SNX27: variants seen among roughly 807,000 people sequenced by gnomAD.
SNX27 encodes sorting nexin-27.
A neutral mutation model predicts 71.6 loss-of-function variants in SNX27; 22 were observed. The observed-to-expected ratio is 0.31, with a 90% CI of 0.22 to 0.44. The LOEUF (loss-of-function observed/expected upper bound fraction) is 0.44, where lower values mean the gene tolerates loss of function less well. Among genes scored for constraint, SNX27 ranks in the 20% least tolerant of loss-of-function variants. The pLI is 1.00. For missense variants in SNX27, 531 were observed against 698.6 expected (o/e 0.76, Z 2.70); for synonymous variants, 269 against 277.2 (o/e 0.97, Z 0.29).
intron 1 of SNX27, among the ~76,000 whole-genome samples, chr1:151,630,059 C>T (rs530420830): frequency 2.0e-5 from 3 of 150,330 alleles, no homozygotes; most frequent in East Asian, 4.0e-4. Context: ...TGTAGTGAGC[C>T]GAGATCGCAC....
chr1:151,629,858 C>T (rs563190755), intron 1 of SNX27, among the ~76,000 whole-genome samples: 2 of 151,744 alleles, frequency 1.3e-5, no homozygotes, highest in African/African-American at 4.8e-5. Flanking sequence ...GGATTACAGG[C>T]GTGAGCCAAT....
chr1:151,654,967 A>G (rs2102670199), intron 2 of SNX27, among the ~76,000 whole-genome samples: 1 of 152,282 alleles, frequency 6.6e-6, no homozygotes, highest in East Asian at 1.9e-4. Flanking sequence ...GCCTGTTTCT[A>G]CTGACTAATT....
chr1:151,649,215 C>T (rs1206111064), intron 2 of SNX27, among the ~76,000 whole-genome samples: 4 of 152,096 alleles, frequency 2.6e-5, no homozygotes, highest in Non-Finnish European at 5.9e-5. Context: ...CCGCCTTTGC[C>T]TCCCAAAGTG....
Position 151,694,435 on chromosome 1 carries a change from C to T in SNX27, c.*18C>T. On this transcript the variant is annotated 3_prime_UTR_variant, in exon 12 of 12. Coordinates refer to ENST00000458013, the MANE Select transcript of SNX27 (RefSeq NM_001330723.2). ...CCACCTAGCCTTTCCTTATCCCCTT[C>T]CCTTCCCTTCACCCCCATCCTCTTA... 1 of 1,549,464 alleles carries T rather than the reference C, an allele frequency of 6.5e-7. No individual in the cohort carries two copies.
chr1:151,651,233 G>C (rs1443064821), intron 2 of SNX27, among the ~76,000 whole-genome samples: 1 of 148,872 alleles, frequency 6.7e-6, no homozygotes, highest in African/African-American at 2.5e-5. Context: ...GCGGGGGGCT[G>C]ACCCCCCGAC....
chr1:151,631,883 T>C (rs1425154061), intron 1 of SNX27, among the ~76,000 whole-genome samples: 1 of 152,128 alleles, frequency 6.6e-6, no homozygotes, highest in Non-Finnish European at 1.5e-5. Context: ...ACCATGTTGC[T>C]CAGGCTGTCT....
intron 6 of SNX27, among the ~76,000 whole-genome samples, chr1:151,668,069 C>G (rs1037766155): frequency 6.6e-6 from 1 of 152,150 alleles, no homozygotes; most frequent in African/African-American, 2.4e-5. Context: ...TACCAAACAT[C>G]TTTAAGACTG....
intron 2 of SNX27, among the ~76,000 whole-genome samples, chr1:151,648,968 T>C (rs1669199022): frequency 6.6e-6 from 1 of 152,040 alleles, no homozygotes; most frequent in African/African-American, 2.4e-5. Context: ...TTTTTATTTA[T>C]TTATTTATTT....
At chr1:151,653,540 A>G (rs1669534473) in intron 2 of SNX27, among the ~76,000 whole-genome samples, 1 of 151,994 alleles carries the variant, frequency 6.6e-6, no homozygotes, top group African/African-American at 2.4e-5. Context: ...GTTTTTTGAG[A>G]CAAGCTCTCC....
At chr1:151,618,504 C>T (rs2102593440) in intron 1 of SNX27, among the ~76,000 whole-genome samples, 1 of 152,296 alleles carries the variant, frequency 6.6e-6, no homozygotes, top group East Asian at 1.9e-4. Flanking sequence ...TTATTAGTAG[C>T]ATAACAATTT....
intron 7 of SNX27, chr1:151,677,453 A>G (rs1034800166): frequency 6.6e-6 from 1 of 152,234 alleles, no homozygotes; most frequent in Non-Finnish European, 1.5e-5. Flanking sequence ...TGATTCAAGT[A>G]TAAGCTCTAC....
At chr1:151,665,735 C>T (rs1413761381) in intron 5 of SNX27, among the ~76,000 whole-genome samples, 198 bp from the exon 6 acceptor site, 1 of 152,106 alleles carries the variant, frequency 6.6e-6, no homozygotes, top group African/African-American at 2.4e-5. Flanking sequence ...TTTCCCTTTT[C>T]TTTCATATAT....
intron 1 of SNX27, among the ~76,000 whole-genome samples, chr1:151,617,878 GT>G (rs35075644): frequency 0.11 from 12,623 of 116,034 alleles, 574 homozygotes; most frequent in Middle Eastern, 0.14. Flanking sequence ...TTTTAGAGCT[GT>G]TTTTTTTTTT....
intron 1 of SNX27, chr1:151,629,459 A>ACG (rs1668099191): frequency 1.4e-5 from 1 of 69,422 alleles, no homozygotes; most frequent in Non-Finnish European, 3.2e-5. Context: ...ATGTATATAT[A>ACG]CGTATATATA....
intron 8 of SNX27, among the ~76,000 whole-genome samples, chr1:151,683,776 C>T (rs529871200): frequency 2.0e-5 from 3 of 152,292 alleles, no homozygotes; most frequent in Admixed American, 2.0e-4. Context: ...AAGCGATTCT[C>T]CTGCCTCAGC....
intron 1 of SNX27, among the ~76,000 whole-genome samples, chr1:151,629,926 C>T (rs1314657366): frequency 2.0e-5 from 3 of 151,114 alleles, no homozygotes; most frequent in Non-Finnish European, 4.4e-5. Context: ...GCCTGATCAA[C>T]GTGGTGAAGC....
chr1:151,624,962 A>T (rs1344816853), intron 1 of SNX27, among the ~76,000 whole-genome samples: 1 of 152,188 alleles, frequency 6.6e-6, no homozygotes, highest in Non-Finnish European at 1.5e-5. Context: ...TGAAGAACAG[A>T]TGAGTCTTAT....
chr1:151,641,551 T>C (rs1668718438), intron 2 of SNX27, among the ~76,000 whole-genome samples: 1 of 145,804 alleles, frequency 6.9e-6, no homozygotes, highest in Non-Finnish European at 1.5e-5. Flanking sequence ...CTTATTATTT[T>C]ATTGTAGGGG....
intron 8 of SNX27, among the ~76,000 whole-genome samples, chr1:151,688,476 A>G (rs1440396899): frequency 6.6e-6 from 1 of 152,078 alleles, no homozygotes; most frequent in African/African-American, 2.4e-5. Flanking sequence ...TACTAAAAGT[A>G]CAAAAAATTG....
Sources: gnomAD v4.1 joint callset for allele counts (sites outside exome capture counted in the v4.1 genomes callset) on GRCh38, gnomAD v4.1.1 for gene constraint, MANE v1.5 for transcripts, NCBI Gene and HGNC (gene_info 2026-07-23, HGNC 2026-07-21) for gene names.